PLXDC2: variants seen among roughly 807,000 people sequenced by gnomAD.
PLXDC2 encodes plexin domain-containing protein 2.
Under a neutral mutation model 68.9 loss-of-function variants are expected in PLXDC2, and 40 were observed. The ratio of observed to expected loss-of-function variants is 0.58; its 90% CI spans 0.45 to 0.76. The LOEUF (loss-of-function observed/expected upper bound fraction) is 0.76. Among genes scored for constraint, PLXDC2 ranks in the 30% least tolerant of loss-of-function variants. The pLI is 0.00. For synonymous variants in PLXDC2, 243 were observed against 234.2 expected, an observed-to-expected ratio of 1.04 and a Z score of -0.34; for missense variants, 644 against 661.9, an observed-to-expected ratio of 0.97 and a Z score of 0.30.
At position 19,873,534 on chromosome 10, in the gene PLXDC2, C is replaced by T. The variant is rs1291817231; in HGVS notation, c.112+56343C>T. Among the ~76,000 whole-genome samples the T allele has an allele frequency of 2.0e-5, 3 of 151,518 alleles. No homozygotes were observed. In the East Asian group the frequency reaches 5.9e-4, roughly 30 times the overall value. On this transcript the variant is annotated intron_variant, in intron 1 of 13. Transcript: ENST00000377252. ...CAAGCCATTCTCTCCATTCTCTCTCCTCTACCTTTGGAGTAGCTGGGACTA... is the reference window on the plus strand; with the variant it reads ...CAAGCCATTCTCTCCATTCTCTCTCTTCTACCTTTGGAGTAGCTGGGACTA...
intron 13 of PLXDC2, among the ~76,000 whole-genome samples, chr10:20,271,192 C>G (rs1413787342): frequency 1.3e-5 from 2 of 149,380 alleles, no homozygotes; most frequent in Middle Eastern, 3.2e-3. Flanking sequence ...AGAAAATATA[C>G]CATCCTAGAA....
chr10:20,164,710 C>T, intron 7 of PLXDC2, 143 bp downstream of exon 7: 1 of 695,500 alleles, frequency 1.4e-6, no homozygotes. Flanking sequence ...CTGTTGTTTG[C>T]TTTATAACTC....
Position 20,081,675 on chromosome 10 carries a change from C to A in PLXDC2, c.541+13436C>A, listed in dbSNP as rs73603699. ...AACAAACAAACAAACTTTAAATAAA[C>A]CAGATAAAACTACACCTCTCTGCAA... On this transcript the variant is annotated intron_variant, in intron 4 of 13. Transcript: ENST00000377252. Among the ~76,000 whole-genome samples, 909 of 152,186 alleles carry A rather than the reference C, an allele frequency of 6.0e-3. 13 individuals are homozygous for A. The highest frequency in any genetic ancestry group is 0.021 in the African/African-American group (874 of 41,518).
intron 2 of PLXDC2, among the ~76,000 whole-genome samples, chr10:20,036,262 GC>G (rs1835575271): frequency 6.6e-6 from 1 of 152,116 alleles, no homozygotes; most frequent in South Asian, 2.1e-4. Context: ...TAAGGGTGGG[GC>G]CCTAATCCCA....
intron 3 of PLXDC2, among the ~76,000 whole-genome samples, chr10:20,048,602 G>T (rs1220712627): frequency 6.6e-6 from 1 of 152,140 alleles, no homozygotes; most frequent in Non-Finnish European, 1.5e-5. Context: ...GAATGTTGGT[G>T]TATGCACATG....
At chr10:19,842,622 A>C (rs949651242) in intron 1 of PLXDC2, among the ~76,000 whole-genome samples, 1 of 152,164 alleles carries the variant, frequency 6.6e-6, no homozygotes, top group Admixed American at 6.5e-5. Context: ...GCTGACTTCA[A>C]CTCATAGGCC....
intron 9 of PLXDC2, among the ~76,000 whole-genome samples, chr10:20,203,916 T>C (rs1475719525): frequency 6.6e-6 from 1 of 152,166 alleles, no homozygotes; most frequent in Non-Finnish European, 1.5e-5. Flanking sequence ...CAGCTACAAG[T>C]AGCATCAAGA....
At chr10:19,898,064 T>C (rs559205361) in intron 1 of PLXDC2, among the ~76,000 whole-genome samples, 2 of 152,326 alleles carry the variant, frequency 1.3e-5, no homozygotes, top group Non-Finnish European at 2.9e-5. Context: ...TTATTGATTT[T>C]TTGAAAAGAA....
chr10:20,044,207 C>CTCTCTCTCTTTCTT (rs1564293827), intron 2 of PLXDC2, among the ~76,000 whole-genome samples: 3 of 89,958 alleles, frequency 3.3e-5, no homozygotes, highest in Non-Finnish European at 6.6e-5. Flanking sequence ...CTCTCTCTCT[C>CTCTCTCTCTTTCTT]TCTGTCTTTC....
rs557827406 is a variant in PLXDC2 at position 20,202,427 on chromosome 10, G to A, written c.1062-9242G>A. Among the ~76,000 whole-genome samples, 12 of 152,250 alleles carry A rather than the reference G, an allele frequency of 7.9e-5. No homozygotes were observed. The South Asian group carries it at 1.7e-3, about 21-fold the overall frequency. On this transcript the variant is annotated intron_variant, in intron 9 of 13. Coordinates refer to ENST00000377252, the MANE Select transcript of PLXDC2 (RefSeq NM_032812.9). The stretch of plus-strand genomic sequence containing the variant: ...GAAACTGAAAGTCAGTGAGGAATTC[G>A]GGTTTCACTATTTCCACATCTGCTG...
At chr10:20,007,304 A>G (rs1835042186) in intron 2 of PLXDC2, among the ~76,000 whole-genome samples, 1 of 152,242 alleles carries the variant, frequency 6.6e-6, no homozygotes, top group South Asian at 2.1e-4. Flanking sequence ...CTGATGCTTA[A>G]TAAAGCTCAG....
In PLXDC2 at chr10:19,879,503, A is replaced by T. The variant is rs185377094; in HGVS notation, c.112+62312A>T. ...ATTTTAAACGCTCATTGTGTACTAG[A>T]CACTTTGCCAAGTGCTTGTATTTCG... On this transcript the variant is annotated intron_variant, in intron 1 of 13. Coordinates refer to ENST00000377252, the MANE Select transcript of PLXDC2 (RefSeq NM_032812.9). Among the ~76,000 whole-genome samples the T allele has an allele frequency of 9.9e-5, 15 of 152,262 alleles. 1 individual carries two copies. Among genetic ancestry groups the T allele is most frequent in the Admixed American group, 8.5e-4 (13 of 15,284 alleles).
At chr10:20,257,959 T>C (rs1588547671) in intron 13 of PLXDC2, among the ~76,000 whole-genome samples, 2 of 151,548 alleles carry the variant, frequency 1.3e-5, no homozygotes, top group African/African-American at 4.8e-5. Flanking sequence ...ATTTTCTACC[T>C]GCAAATAAGC....
chr10:20,003,706 A>G (rs1357313317), intron 2 of PLXDC2, among the ~76,000 whole-genome samples: 8 of 152,184 alleles, frequency 5.3e-5, no homozygotes, highest in African/African-American at 1.9e-4. Flanking sequence ...TGCTTGTATT[A>G]AAGTCATGAG....
chr10:20,228,403 A>C (rs1835314134), intron 12 of PLXDC2, among the ~76,000 whole-genome samples: 1 of 151,984 alleles, frequency 6.6e-6, no homozygotes, highest in South Asian at 2.1e-4. Context: ...TCTACAAAAA[A>C]ATACATAAAT....
intron 4 of PLXDC2, among the ~76,000 whole-genome samples, chr10:20,125,758 T>C (rs1432205271): frequency 2.0e-5 from 3 of 152,112 alleles, no homozygotes; most frequent in Non-Finnish European, 4.4e-5. Context: ...TTTAAACTGA[T>C]TAATGTACAC....
intron 1 of PLXDC2, among the ~76,000 whole-genome samples, chr10:19,915,994 C>T (rs1049753561): frequency 6.6e-6 from 1 of 151,946 alleles, no homozygotes; most frequent in Non-Finnish European, 1.5e-5. Context: ...CCAGGTGGTG[C>T]TTTCATGTGT....
intron 1 of PLXDC2, among the ~76,000 whole-genome samples, chr10:19,996,666 A>T (rs374712629): frequency 6.6e-6 from 1 of 152,178 alleles, no homozygotes; most frequent in African/African-American, 2.4e-5. Context: ...CACCTGTATT[A>T]GTCCATTTTC....
chr10:20,085,223 C>G, intron 4 of PLXDC2, among the ~76,000 whole-genome samples: 1 of 144,288 alleles, frequency 6.9e-6, no homozygotes, highest in Admixed American at 6.9e-5. Flanking sequence ...AAAAAAAAAT[C>G]TTAGTTTCAT....
Sources: allele counts gnomAD v4.1 joint callset (sites outside exome capture counted in the v4.1 genomes callset), GRCh38; gene constraint gnomAD v4.1.1; transcripts MANE v1.5; gene names NCBI Gene and HGNC (gene_info 2026-07-23, HGNC 2026-07-21).